The following NPAS3 variants were observed in gnomAD, a reference collection of about 807,000 sequenced individuals.
NPAS3 encodes neuronal PAS domain-containing protein 3.
NPAS3 carries 14 observed loss-of-function variants against 73.1 expected under a neutral mutation model. That is an observed-to-expected ratio of 0.19 (90% confidence interval 0.13 to 0.30). The LOEUF is 0.30. NPAS3 is among the 10% of genes least tolerant of loss of function. The probability of loss-of-function intolerance (pLI) is 1.00; values close to 1 mark genes in which losing one functional copy is unlikely to be tolerated. For missense variants in NPAS3, 1,096 were observed against 1,250.0 expected, an observed-to-expected ratio of 0.88 and a Z score of 1.86; for synonymous variants, 620 against 541.5, an observed-to-expected ratio of 1.14 and a Z score of -2.01.
intron 2 of NPAS3, among the ~76,000 whole-genome samples, chr14:33,140,631 T>A (rs1300601359): frequency 6.6e-6 from 1 of 152,210 alleles, no homozygotes; most frequent in Non-Finnish European, 1.5e-5. Context: ...TTGTTTTGCT[T>A]TTCCCATCGA....
At chr14:33,203,050 T>C (rs533291879) in intron 2 of NPAS3, among the ~76,000 whole-genome samples, 1 of 152,386 alleles carries the variant, frequency 6.6e-6, no homozygotes, top group East Asian at 1.9e-4. Context: ...GACATTACAT[T>C]ACACATTACA....
intron 7 of NPAS3, among the ~76,000 whole-genome samples, chr14:33,747,253 C>A (rs1432031221): frequency 6.6e-6 from 1 of 152,100 alleles, no homozygotes; most frequent in Non-Finnish European, 1.5e-5. Context: ...GAATACTAGG[C>A]AGCCATAAAA....
chr14:33,248,135 C>T (rs1358904131), intron 3 of NPAS3, among the ~76,000 whole-genome samples: 1 of 152,204 alleles, frequency 6.6e-6, no homozygotes, highest in Non-Finnish European at 1.5e-5. Context: ...CAACTGCTTA[C>T]CTTTTCACAG....
chr14:33,579,117 A>G (rs1030013530), intron 5 of NPAS3, among the ~76,000 whole-genome samples: 1 of 152,196 alleles, frequency 6.6e-6, no homozygotes, highest in African/African-American at 2.4e-5. Context: ...AGATTCTGCT[A>G]TCATTCCAGT....
chr14:32,984,119 T>TA (rs2038007115), intron 1 of NPAS3, among the ~76,000 whole-genome samples: 1 of 152,238 alleles, frequency 6.6e-6, no homozygotes, highest in Admixed American at 6.5e-5. Flanking sequence ...AGATTCAGTA[T>TA]ATGTAACACA....
intron 4 of NPAS3, among the ~76,000 whole-genome samples, chr14:33,501,349 G>T (rs2052504594): frequency 6.6e-6 from 1 of 151,852 alleles, no homozygotes; most frequent in Non-Finnish European, 1.5e-5. Context: ...TAAATAGTTT[G>T]ATTTATTGTC....
At position 33,599,273 on chromosome 14, in the gene NPAS3, T is replaced by G. The variant is rs564817522; in HGVS notation, c.558+39063T>G. 8.5e-5 allele frequency among the ~76,000 whole-genome samples: 13 copies of G among 152,336 alleles called. No homozygotes were observed. The South Asian group carries it at 2.3e-3, about 27-fold the overall frequency. ...TGTTTTGAAACATTTTAATTTATAATCAGACAAGAAGAACAGATGTAAGAG... is the reference window on the plus strand; with the variant it reads ...TGTTTTGAAACATTTTAATTTATAAGCAGACAAGAAGAACAGATGTAAGAG... On this transcript the variant is annotated intron_variant, in intron 5 of 11. Transcript: ENST00000356141.
intron 1 of NPAS3, among the ~76,000 whole-genome samples, chr14:32,948,567 G>A (rs1189819414): frequency 6.6e-6 from 1 of 151,936 alleles, no homozygotes; most frequent in African/African-American, 2.4e-5. Context: ...ATCAGTTTAC[G>A]AGCAATGGTT....
intron 6 of NPAS3, among the ~76,000 whole-genome samples, chr14:33,708,066 A>C (rs934707019): frequency 2.0e-5 from 3 of 152,070 alleles, no homozygotes; most frequent in African/African-American, 7.3e-5. Flanking sequence ...CACAAAAAAA[A>C]ACACAAAAAA....
chr14:33,768,691 A>G (rs565742157), intron 7 of NPAS3, among the ~76,000 whole-genome samples: 1 of 152,296 alleles, frequency 6.6e-6, no homozygotes, highest in South Asian at 2.1e-4. Flanking sequence ...AGGAAATCCT[A>G]CCCTCACCAA....
At chr14:33,219,342 C>T (rs536723043) in intron 3 of NPAS3, among the ~76,000 whole-genome samples, 2 of 152,284 alleles carry the variant, frequency 1.3e-5, no homozygotes, top group African/African-American at 4.8e-5. Context: ...AAGAGTCTGT[C>T]GTCTGCTGCA....
chr14:33,312,609 CT>C (rs1350921408), intron 3 of NPAS3, among the ~76,000 whole-genome samples: 1 of 152,020 alleles, frequency 6.6e-6, no homozygotes, highest in African/African-American at 2.4e-5. Context: ...CCGATCACGT[CT>C]TTAGTATTAT....
chr14:33,648,226 C>G (rs1206077436), intron 5 of NPAS3, among the ~76,000 whole-genome samples: 1 of 152,180 alleles, frequency 6.6e-6, no homozygotes, highest in Non-Finnish European at 1.5e-5. Context: ...ACTACAGGAA[C>G]AGAAGCTGCT....
intron 3 of NPAS3, among the ~76,000 whole-genome samples, chr14:33,302,608 T>C (rs571357243): frequency 1.2e-4 from 18 of 152,298 alleles, no homozygotes; most frequent in African/African-American, 4.3e-4. Flanking sequence ...AAATAAAACA[T>C]AGACTGACCT....
rs139376824 is a variant in NPAS3 at position 33,630,738 on chromosome 14, G to A, written c.559-45473G>A. Among the ~76,000 whole-genome samples the A allele has an allele frequency of 1.7e-3, 254 of 152,278 alleles. 1 individual carries two copies. Among genetic ancestry groups the A allele is most frequent in the African/African-American group, 5.4e-3 (225 of 41,560 alleles). On this transcript the variant is annotated intron_variant, in intron 5 of 11. Coordinates refer to ENST00000356141, the Ensembl canonical transcript of NPAS3. ...AATGAATCAATATATGCCCCCCCAG[G>A]ATGGAGAAGGGAGGGCTTGCTGTGA... is the stretch of plus-strand genomic sequence containing the variant.
chr14:33,482,641 C>G (rs1333835344), intron 4 of NPAS3, among the ~76,000 whole-genome samples: 1 of 152,028 alleles, frequency 6.6e-6, no homozygotes, highest in African/African-American at 2.4e-5. Flanking sequence ...CAGAGCCTCC[C>G]TCTCTGATCT....
rs137900010 is a variant in NPAS3 at position 33,614,186 on chromosome 14, G to A, written c.558+53976G>A. Among the ~76,000 whole-genome samples, 84 of 152,282 alleles carry A rather than the reference G, an allele frequency of 5.5e-4. 1 individual carries two copies. In the Middle Eastern group the frequency reaches 0.024, roughly 43 times the overall value. ...GTTACTGGGAGTTTCTTCAACCAGTGGAAGTTATTCTTGATTTGATTGAAG... is the reference window on the plus strand; with the variant it reads ...GTTACTGGGAGTTTCTTCAACCAGTAGAAGTTATTCTTGATTTGATTGAAG... On this transcript the variant is annotated intron_variant, in intron 5 of 11. Transcript: ENST00000356141.
At chr14:32,979,960 A>T (rs2139390027) in intron 1 of NPAS3, among the ~76,000 whole-genome samples, 1 of 152,328 alleles carries the variant, frequency 6.6e-6, no homozygotes, top group East Asian at 1.9e-4. Context: ...TGACTTGTCA[A>T]AAACTTTTGT....
chr14:33,505,765 A>T (rs2052728216), intron 4 of NPAS3, among the ~76,000 whole-genome samples: 1 of 152,000 alleles, frequency 6.6e-6, no homozygotes, highest in Non-Finnish European at 1.5e-5. Flanking sequence ...AGGCAGTTGC[A>T]TTCAAATGCC....
Sources: gnomAD v4.1 joint callset for allele counts (sites outside exome capture counted in the v4.1 genomes callset) on GRCh38, gnomAD v4.1.1 for gene constraint, MANE v1.5 for transcripts, NCBI Gene and HGNC (gene_info 2026-07-23, HGNC 2026-07-21) for gene names.